The following FCGRT variants were observed in gnomAD, a reference collection of about 807,000 sequenced individuals.
The protein encoded by FCGRT is IgG receptor FcRn large subunit p51.
In FCGRT, 13 loss-of-function variants were observed where a neutral mutation model predicts 35.7. The observed-to-expected ratio is 0.36, with a 90% confidence interval of 0.24 to 0.58. The LOEUF (loss-of-function observed/expected upper bound fraction) is 0.58. Among genes scored for constraint, FCGRT ranks in the 20% least tolerant of loss-of-function variants. The probability of loss-of-function intolerance (pLI) is 0.77; values close to 1 mark genes in which losing one functional copy is unlikely to be tolerated. For synonymous variants in FCGRT, 233 were observed against 216.5 expected (o/e 1.08, Z -0.67); for missense variants, 455 against 474.9 (o/e 0.96, Z 0.39).
At chr19:49,525,926 G>GAC (rs1181569839) in intron 6 of FCGRT, 84 bp from the exon 7 acceptor site, 12 of 840,958 alleles carry the variant, frequency 1.4e-5, no homozygotes, top group East Asian at 2.4e-5. Context: ...GAGTGTGTGA[G>GAC]ACACACACAC....
chr19:49,513,685 C>CTCTG, intron 2 of FCGRT, 197 bp from the exon 3 acceptor site: 1 of 550,834 alleles, frequency 1.8e-6, no homozygotes. Context: ...CTCTCTGGGT[C>CTCTG]TCTGTCCCCC....
At chr19:49,518,923 A>G (rs1249881882) in intron 4 of FCGRT, among the ~76,000 whole-genome samples, 2 of 148,438 alleles carry the variant, frequency 1.3e-5, no homozygotes, top group African/African-American at 5.0e-5. Context: ...GCTCATTGCA[A>G]CCTCCACCTC....
Position 49,526,028 on chromosome 19 carries a change from G to C in FCGRT, c.1007G>C (p.Arg336Pro), listed in dbSNP as rs756324491. The C allele has an allele frequency of 6.2e-7, 1 of 1,611,066 alleles. No homozygotes were observed. The highest frequency in any genetic ancestry group is 8.5e-7 in the Non-Finnish European group (1 of 1,177,484). The change falls in exon 7 of 7, where the codon CGT becomes CCT. Residue 336 changes from arginine to proline, a missense_variant. Transcript: ENST00000221466. ...TCCTCAGCCCCTTGGATCTCCCTTC[G>C]TGGAGACGACACCGGGGTCCTCCTG... Reference protein sequence around the residue: ...SGLPAPWISLRGDDTGVLLPT... With the variant: ...SGLPAPWISLPGDDTGVLLPT...
At chr19:49,513,314 C>A (rs933570468) in intron 1 of FCGRT, 73 bp from the exon 2 acceptor site, 69 of 705,656 alleles carry the variant, frequency 9.8e-5, no homozygotes, top group Non-Finnish European at 1.4e-4. Context: ...TGGTCCCGGC[C>A]GTGCCCGCGG....
intron 4 of FCGRT, among the ~76,000 whole-genome samples, chr19:49,515,478 G>A (rs574774315): frequency 8.6e-4 from 130 of 151,800 alleles, no homozygotes; most frequent in African/African-American, 3.0e-3. Context: ...ATGGGGTTTC[G>A]TCATGGTAGC....
chr19:49,523,758 G>A (rs1455101080), intron 4 of FCGRT, among the ~76,000 whole-genome samples: 2 of 150,206 alleles, frequency 1.3e-5, no homozygotes, highest in African/African-American at 4.9e-5. Context: ...TACTCAGGAG[G>A]CTGAGGCAGG....
intron 4 of FCGRT, chr19:49,521,565 CA>C (rs35423203): frequency 0.4 from 31,789 of 79,274 alleles, 4,672 homozygotes; most frequent in African/African-American, 0.6. Context: ...GACTCCGTCT[CA>C]AAAAAAAAAA....
intron 6 of FCGRT, 32 bp from the exon 7 acceptor site, chr19:49,525,978 C>G: frequency 7.2e-7 from 1 of 1,390,226 alleles, no homozygotes; most frequent in Non-Finnish European, 1.0e-6. Context: ...CTCAGAGATT[C>G]TGATGACCTC....
intron 1 of FCGRT, 39 bp from the exon 2 acceptor site, chr19:49,513,348 C>T: frequency 1.0e-6 from 1 of 987,844 alleles, no homozygotes; most frequent in Non-Finnish European, 1.3e-6. Flanking sequence ...AGGGGCGGGC[C>T]GGGGGTCGGG....
At chr19:49,519,804 T>C (rs565037149) in intron 4 of FCGRT, among the ~76,000 whole-genome samples, 1 of 151,634 alleles carries the variant, frequency 6.6e-6, no homozygotes, top group African/African-American at 2.4e-5. Flanking sequence ...TTTTAGCGGA[T>C]AGCAATGGCC....
intron 4 of FCGRT, among the ~76,000 whole-genome samples, chr19:49,519,132 G>C (rs372657161): frequency 6.6e-6 from 1 of 152,100 alleles, no homozygotes; most frequent in South Asian, 2.1e-4. Flanking sequence ...TTGAGCCACC[G>C]CGCCCGGCCG....
intron 4 of FCGRT, chr19:49,516,034 G>A (rs1407688540): frequency 5.6e-6 from 2 of 359,838 alleles, no homozygotes; most frequent in Admixed American, 4.0e-5. Flanking sequence ...TGTTGGCCAA[G>A]AGCATTTGCA....
At position 49,524,493 on chromosome 19, in the gene FCGRT, C is replaced by G. The variant is rs749901780; in HGVS notation, c.602-14C>G. On this transcript the variant is annotated splice_polypyrimidine_tract_variant and intron_variant, in intron 4 of 6. Coordinates refer to ENST00000221466, the MANE Select transcript of FCGRT (RefSeq NM_001136019.3). ...GGGCTCGCGACTTAGGCCTGTCTGC[C>G]TGATTTCCTGCAGAGCCCCCCTCCA... The G allele has an allele frequency of 1.2e-6, 2 of 1,602,646 alleles. No individual in the cohort carries two copies. The highest frequency in any genetic ancestry group is 4.5e-5 in the East Asian group (2 of 44,598).
In FCGRT at chr19:49,514,300, G is replaced by T. The variant is rs1421832028; in HGVS notation, c.415G>T (p.Glu139Ter). ...CGCCAAGTTCGCCCTGAACGGCGAG[G>T]AGTTCATGAATTTCGACCTCAAGCA... ...PTAKFALNGE[E>*]FMNFDLKQGT... Residue 139 changes from glutamate to a stop codon, truncating the protein, a stop_gained, in exon 4 of 7, where the codon GAG becomes TAG. Transcript: ENST00000221466. LOFTEE classifies it high-confidence loss of function. 1.2e-6 allele frequency: 2 copies of T among 1,613,188 alleles called. No individual in the cohort carries two copies. Among genetic ancestry groups the T allele is most frequent in the Non-Finnish European group, 8.5e-7 (1 of 1,179,762 alleles).
At chr19:49,514,799 T>C (rs560421868) in intron 4 of FCGRT, among the ~76,000 whole-genome samples, 2 of 150,708 alleles carry the variant, frequency 1.3e-5, no homozygotes, top group Admixed American at 1.3e-4. Context: ...GTTCAAGTGA[T>C]CTCCTGCCTC....
intron 4 of FCGRT, among the ~76,000 whole-genome samples, chr19:49,517,851 C>T (rs1455850979): frequency 6.6e-6 from 1 of 152,132 alleles, no homozygotes; most frequent in Non-Finnish European, 1.5e-5. Context: ...CGCCACCTCG[C>T]CCAGCCAATT....
At position 49,525,561 on chromosome 19, in the gene FCGRT, A is replaced by G; in HGVS notation, c.976A>G (p.Ser326Gly). 4 of 1,611,564 alleles carry G rather than the reference A, an allele frequency of 2.5e-6. No homozygotes were observed. The South Asian group carries it at 4.4e-5, about 18-fold the overall frequency. ...AGCTCTGTTGTGGAGAAGGATGAGGAGTGGGCTGCCAGGTGGGGGGCAGCG... is the reference window on the plus strand; with the variant it reads ...AGCTCTGTTGTGGAGAAGGATGAGGGGTGGGCTGCCAGGTGGGGGGCAGCG... ...GGALLWRRMR[S>G]GLPAPWISLR... The change falls in exon 6 of 7, where the codon AGT becomes GGT. Residue 326 changes from serine to glycine, a missense_variant. Coordinates refer to ENST00000221466, the MANE Select transcript of FCGRT (RefSeq NM_001136019.3).
At chr19:49,519,516 C>G (rs2080028078) in intron 4 of FCGRT, among the ~76,000 whole-genome samples, 1 of 152,040 alleles carries the variant, frequency 6.6e-6, no homozygotes, top group Non-Finnish European at 1.5e-5. Flanking sequence ...TGAAGAAAGT[C>G]AGTTTATGTC....
chr19:49,524,331 C>T (rs1202464534), intron 4 of FCGRT, among the ~76,000 whole-genome samples, 176 bp from the exon 5 acceptor site: 3 of 152,156 alleles, frequency 2.0e-5, no homozygotes, highest in Admixed American at 2.0e-4. Context: ...CTTGAGGGGA[C>T]ACCTTCGGGG....
Sources: allele counts gnomAD v4.1 joint callset (sites outside exome capture counted in the v4.1 genomes callset), GRCh38; gene constraint gnomAD v4.1.1; transcripts MANE v1.5; gene names NCBI Gene and HGNC (gene_info 2026-07-23, HGNC 2026-07-21).